CMAS: variants seen among roughly 807,000 people sequenced by gnomAD.
CMAS encodes N-acylneuraminate cytidylyltransferase.
CMAS carries 21 observed loss-of-function variants against 53.4 expected under a neutral mutation model. The ratio of observed to expected loss-of-function variants is 0.39; its 90% CI spans 0.28 to 0.57. CMAS has a LOEUF of 0.57. CMAS is among the 20% of genes least tolerant of loss of function. The pLI, the probability that CMAS is intolerant of heterozygous loss-of-function variation, is 0.56. For synonymous variants in CMAS, 189 were observed against 195.2 expected (o/e 0.97, Z 0.27); for missense variants, 384 against 534.9 (o/e 0.72, Z 2.78).
rs112462487 is a variant in CMAS at position 22,062,367 on chromosome 12, C to T, written c.1047C>T (p.Asp349=). 1 of 1,612,734 alleles carries T rather than the reference C, an allele frequency of 6.2e-7. No homozygotes were observed. Among genetic ancestry groups the T allele is most frequent in the Non-Finnish European group, 8.5e-7 (1 of 1,179,626 alleles). ...LDCKMEVSVS[D]KLAVVDEWRK... ...GCAAAATGGAAGTCAGTGTATCAGA[C>T]AAGCTAGCAGTTGTAGATGAATGGA... The change falls in exon 7 of 8, where the codon GAC becomes GAT. Residue 349 remains aspartate (D), a synonymous_variant. Transcript: ENST00000229329.
chr12:22,058,508 T>A (rs1950284321), intron 3 of CMAS, 59 bp from the exon 4 acceptor site: 1 of 1,481,502 alleles, frequency 6.7e-7, no homozygotes, highest in African/African-American at 1.4e-5. Context: ...TTTTAGTTAC[T>A]AAATTAACAC....
At chr12:22,056,056 A>G (rs1227535491) in intron 3 of CMAS, among the ~76,000 whole-genome samples, 1 of 152,166 alleles carries the variant, frequency 6.6e-6, no homozygotes, top group Admixed American at 6.5e-5. Flanking sequence ...AGGGTTTACT[A>G]GGCATTTTGC....
intron 3 of CMAS, among the ~76,000 whole-genome samples, chr12:22,056,198 C>T (rs1230880579): frequency 6.6e-6 from 1 of 151,894 alleles, no homozygotes; most frequent in Non-Finnish European, 1.5e-5. Context: ...ATTTTTTTAT[C>T]CATTTTAAAA....
rs578196300 is a variant in CMAS at position 22,052,446 on chromosome 12, A to T, written c.261-2703A>T. On this transcript the variant is annotated intron_variant, in intron 1 of 7. Coordinates refer to ENST00000229329, the MANE Select transcript of CMAS (RefSeq NM_018686.6). ...TTTTTTTTCTTGCTTTTTAAACATTACTTAAAGACCACTGAACCCTCTGGT... is the reference window on the plus strand; with the variant it reads ...TTTTTTTTCTTGCTTTTTAAACATTTCTTAAAGACCACTGAACCCTCTGGT... Among the ~76,000 whole-genome samples, 27 of 152,342 alleles carry T rather than the reference A, an allele frequency of 1.8e-4. No individual in the cohort carries two copies. The South Asian group carries it at 5.6e-3, about 32-fold the overall frequency.
intron 3 of CMAS, among the ~76,000 whole-genome samples, chr12:22,057,579 A>G (rs1950276457): frequency 6.6e-6 from 1 of 152,080 alleles, no homozygotes; most frequent in African/African-American, 2.4e-5. Flanking sequence ...AATAAAACTT[A>G]TTTCTGTATA....
chr12:22,049,577 C>T (rs1329528132), intron 1 of CMAS, among the ~76,000 whole-genome samples: 4 of 152,180 alleles, frequency 2.6e-5, no homozygotes. Context: ...TTTTATACTT[C>T]TTCAAGCCAC....
rs940505447 is a variant in CMAS at position 22,046,664 on chromosome 12, AG to A, written c.260+106del. The A allele has an allele frequency of 4.6e-6, 6 of 1,311,126 alleles. No homozygotes were observed. In the African/African-American group the frequency reaches 7.7e-5, roughly 17 times the overall value. The allele number at this position is 1,311,126 out of a possible 1,614,324, so 81.2% of individuals were successfully genotyped here. ...GGCCTCCGGGGCCACCGCTCTTGGAAGGGGGCCATCTCTCATGCCAGGGATG... is the reference window on the plus strand; with the variant it reads ...GGCCTCCGGGGCCACCGCTCTTGGAAGGGGCCATCTCTCATGCCAGGGATG... On this transcript the variant is annotated intron_variant, in intron 1 of 7. Coordinates refer to ENST00000229329, the MANE Select transcript of CMAS (RefSeq NM_018686.6).
intron 1 of CMAS, among the ~76,000 whole-genome samples, chr12:22,046,801 C>A (rs999022184): frequency 6.6e-6 from 1 of 152,204 alleles, no homozygotes; most frequent in Non-Finnish European, 1.5e-5. Context: ...TTCCTGTCTC[C>A]GCCCTTGAGA....
At chr12:22,051,723 TTAACA>T (rs771001569) in intron 1 of CMAS, among the ~76,000 whole-genome samples, 1 of 152,206 alleles carries the variant, frequency 6.6e-6, no homozygotes, top group Non-Finnish European at 1.5e-5. Context: ...GTGTAATTGC[TTAACA>T]TAACATACAA....
At chr12:22,054,322 C>T (rs1011523009) in intron 1 of CMAS, among the ~76,000 whole-genome samples, 4 of 152,220 alleles carry the variant, frequency 2.6e-5, no homozygotes. Context: ...AACTGGTACC[C>T]CTCTCCAAAA....
At chr12:22,051,334 A>G (rs1591792169) in intron 1 of CMAS, among the ~76,000 whole-genome samples, 3 of 152,352 alleles carry the variant, frequency 2.0e-5, no homozygotes, top group East Asian at 3.9e-4. Flanking sequence ...AGTGTTGCCT[A>G]ACATACTTGG....
At chr12:22,053,610 T>C (rs1484139774) in intron 1 of CMAS, among the ~76,000 whole-genome samples, 1 of 151,278 alleles carries the variant, frequency 6.6e-6, no homozygotes, top group Admixed American at 6.6e-5. Context: ...CCGGGCACGG[T>C]GGCTCACGCC....
intron 3 of CMAS, among the ~76,000 whole-genome samples, chr12:22,058,221 T>A (rs1950281750): frequency 6.6e-6 from 1 of 150,682 alleles, no homozygotes; most frequent in African/African-American, 2.4e-5. Context: ...GGTCAGGAGT[T>A]CGAGACCAGC....
rs1172349619 is a variant in CMAS at position 22,059,164 on chromosome 12, A to G, written c.693+464A>G. On this transcript the variant is annotated intron_variant, in intron 4 of 7. Coordinates refer to ENST00000229329, the MANE Select transcript of CMAS (RefSeq NM_018686.6). ...TATATATATATTTTTTTTTTTTTTTATTATACTTTAAGTCAACTGCCTCTT... is the reference window on the plus strand; with the variant it reads ...TATATATATATTTTTTTTTTTTTTTGTTATACTTTAAGTCAACTGCCTCTT... Among the ~76,000 whole-genome samples the G allele has an allele frequency of 9.1e-5, 11 of 120,990 alleles. No individual in the cohort carries two copies. The South Asian group carries it at 2.2e-3, about 24-fold the overall frequency. The allele number at this position is 120,990 out of a possible 152,430, so 79.4% of individuals were successfully genotyped here.
rs760808204 is a variant in CMAS, at chr12:22,060,875, T to C, written c.737T>C (p.Val246Ala). The C allele has an allele frequency of 6.2e-7, 1 of 1,612,358 alleles. No homozygotes were observed. The highest frequency in any genetic ancestry group is 2.2e-5 in the East Asian group (1 of 44,742). The change falls in exon 5 of 8, where the codon GTG becomes GCG. Residue 246 changes from valine (V) to alanine (A), a missense_variant. Physicochemically the swap from Val to Ala is moderately conservative, Grantham distance 64. This residue lies in a region of CMAS where 139 missense variants were observed against 248.0 expected (regional missense o/e 0.56). Coordinates refer to ENST00000229329, the MANE Select transcript of CMAS (RefSeq NM_018686.6). ...AYYEMRAEHS[V>A]DIDVDIDWPI... is the part of the protein sequence containing the mutation. ...TACGAAATGCGAGCTGAACATAGTG[T>C]GGATATAGATGTGGATATTGATTGG...
intron 1 of CMAS, among the ~76,000 whole-genome samples, chr12:22,051,558 C>G (rs1950239638): frequency 1.3e-5 from 2 of 152,200 alleles, no homozygotes; most frequent in Non-Finnish European, 2.9e-5. Context: ...CTCTGCTTGA[C>G]TGGCCTGTTT....
chr12:22,057,516 C>T (rs1220273016), intron 3 of CMAS, among the ~76,000 whole-genome samples: 1 of 152,028 alleles, frequency 6.6e-6, no homozygotes, highest in Non-Finnish European at 1.5e-5. Flanking sequence ...ATGGAGAAAT[C>T]TTTACTTTTC....
intron 1 of CMAS, among the ~76,000 whole-genome samples, chr12:22,051,087 C>T (rs1371928830): frequency 1.3e-5 from 2 of 152,098 alleles, no homozygotes; most frequent in African/African-American, 4.8e-5. Context: ...TTGTTCAAAA[C>T]CACGATTTGA....
intron 7 of CMAS, among the ~76,000 whole-genome samples, chr12:22,063,242 C>A (rs562829406): frequency 3.3e-5 from 5 of 152,194 alleles, no homozygotes; most frequent in African/African-American, 1.2e-4. Flanking sequence ...GTAATATGAG[C>A]CTCAAAATAA....
Sources: gnomAD v4.1 joint callset for allele counts (sites outside exome capture counted in the v4.1 genomes callset) on GRCh38, gnomAD v4.1.1 for gene constraint, gnomAD v4.1.1 regional missense constraint, MANE v1.5 for transcripts, NCBI Gene and HGNC (gene_info 2026-07-23, HGNC 2026-07-21) for gene names.